Variants in RNF135 observed in about 807,000 individuals in gnomAD.
RNF135 encodes the protein E3 ubiquitin-protein ligase RNF135.
RNF135 carries 46 observed loss-of-function variants against 41.9 expected under a neutral mutation model. The observed-to-expected ratio is 1.10, with a 90% CI of 0.87 to 1.40. The LOEUF (loss-of-function observed/expected upper bound fraction) is 1.40. Ranked by LOEUF, RNF135 falls within the 40% of genes most tolerant of loss-of-function variation. RNF135 has a pLI of 0.00. For synonymous variants in RNF135, 238 were observed against 223.8 expected, an observed-to-expected ratio of 1.06 and a Z score of -0.57; for missense variants, 539 against 549.8, an observed-to-expected ratio of 0.98 and a Z score of 0.20.
At chr17:30,983,353 A>ATATTTTTTTTT (rs1420453160) in intron 1 of RNF135, among the ~76,000 whole-genome samples, 2 of 35,744 alleles carry the variant, frequency 5.6e-5, no homozygotes, top group Admixed American at 4.8e-4. Context: ...ATATATATAT[A>ATATTTTTTTTT]TTTTTTTTTT....
At chr17:30,969,512 C>A (rs1054527595), upstream of RNF135, among the ~76,000 whole-genome samples, 4 of 152,152 alleles carry the variant, frequency 2.6e-5, no homozygotes, top group Non-Finnish European at 4.4e-5. Context: ...ATGATGGTTT[C>A]ATCTCCATAA....
At chr17:30,980,444 C>T (rs1430227491) in intron 1 of RNF135, among the ~76,000 whole-genome samples, 5 of 134,944 alleles carry the variant, frequency 3.7e-5, no homozygotes, top group Middle Eastern at 5.1e-3. Flanking sequence ...CCAGTAGGGG[C>T]GGCCGGGCAG....
the RNF135 span, among the ~76,000 whole-genome samples, chr17:30,963,881 A>G: frequency 7.2e-5 from 11 of 152,236 alleles, no homozygotes; most frequent in South Asian, 1.4e-3. Context: ...TTTGGAGGCC[A>G]AGAAGGGAGG....
chr17:30,998,083 G>A (rs540348499), intron 4 of RNF135, among the ~76,000 whole-genome samples: 2 of 152,308 alleles, frequency 1.3e-5, no homozygotes, highest in South Asian at 2.1e-4. Context: ...GCTAATTTTG[G>A]TATGTTTAAT....
intron 1 of RNF135, among the ~76,000 whole-genome samples, chr17:30,979,712 TGACCCCCCCCACCTCCCTCCCG>T (rs1906865886): frequency 9.8e-6 from 1 of 102,558 alleles, no homozygotes; most frequent in African/African-American, 3.9e-5. Context: ...GGCGGGGGGC[TGACCCCCCCCACCTCCCTCCCG>T]GACGGGGCGG....
intron 1 of RNF135, among the ~76,000 whole-genome samples, chr17:30,983,353 A>ATATATTTTTT (rs1420453160): frequency 5.6e-5 from 2 of 35,732 alleles, no homozygotes; most frequent in Admixed American, 4.8e-4. Flanking sequence ...ATATATATAT[A>ATATATTTTTT]TTTTTTTTTT....
At chr17:30,987,064 G>A (rs1907642386) in intron 2 of RNF135, among the ~76,000 whole-genome samples, 1 of 152,128 alleles carries the variant, frequency 6.6e-6, no homozygotes, top group Non-Finnish European at 1.5e-5. Flanking sequence ...AGGGGTTGAA[G>A]TTGGTGAGCA....
Position 30,971,066 on chromosome 17 carries a change from T to A in RNF135, c.-8T>A, listed in dbSNP as rs1905859892. 1 of 1,534,116 alleles carries A rather than the reference T, an allele frequency of 6.5e-7. No individual in the cohort carries two copies. Among genetic ancestry groups the A allele is most frequent in the Non-Finnish European group, 8.7e-7 (1 of 1,145,986 alleles). ...CCCCGACGTCCGCGCCCCGGCCGCC[T>A]GTTGGCCATGGCGGGCCTGGGCCTG... On this transcript the variant is annotated 5_prime_UTR_variant, in exon 1 of 5. Transcript: ENST00000328381.
chr17:30,979,532 ACC>A (rs1196015143), intron 1 of RNF135, among the ~76,000 whole-genome samples: 1,234 of 2,526 alleles, frequency 0.49, 482 homozygotes, highest in African/African-American at 0.73. Context: ...CAGCTGGCCG[ACC>A]CCCCCCCCCC....
chr17:30,965,320 A>T, the RNF135 span: 8 of 152,268 alleles, frequency 5.3e-5, 1 homozygote, highest in Non-Finnish European at 1.2e-4. Flanking sequence ...CAGCCTGGGC[A>T]ACAAAGACCC....
intron 1 of RNF135, among the ~76,000 whole-genome samples, chr17:30,981,229 G>C (rs1245836424): frequency 6.7e-6 from 1 of 148,876 alleles, no homozygotes; most frequent in Non-Finnish European, 1.5e-5. Flanking sequence ...GCGTGGCGGC[G>C]CGCGCCTGCA....
intron 1 of RNF135, among the ~76,000 whole-genome samples, chr17:30,977,434 C>T (rs771734777): frequency 2.0e-5 from 3 of 152,268 alleles, no homozygotes; most frequent in East Asian, 3.9e-4. Flanking sequence ...AGTGCAGTGA[C>T]GTGATCTCGG....
chr17:30,975,557 A>C lies in RNF135; in HGVS notation c.372+4112A>C, dbSNP rs58401536. On this transcript the variant is annotated intron_variant, in intron 1 of 4. Coordinates refer to ENST00000328381, the MANE Select transcript of RNF135 (RefSeq NM_032322.4). ...GGCCTCGAAAATAGACATACACCCA[A>C]CAATACTCCAGGTCTGGTTCAAGAA... The C allele has an allele frequency of 1.5e-3, 1,197 of 786,100 alleles. 12 individuals carry two copies. In the African/African-American group the frequency reaches 0.018, roughly 12 times the overall value. The allele number at this position is 786,100 out of a possible 1,614,324, so 48.7% of individuals were successfully genotyped here. A position where few individuals can be genotyped will look rare whatever the true frequency, so the allele number is the denominator to read the frequency against.
In RNF135 at chr17:30,974,267, C is replaced by G. The variant is rs538304041; in HGVS notation, c.372+2822C>G. The stretch of plus-strand genomic sequence containing the variant: ...TATTCCATTGGTCTATATGTCTGTA[C>G]TTATGCTGGTACCACACTATTTTGA... On this transcript the variant is annotated intron_variant, in intron 1 of 4. Coordinates refer to ENST00000328381, the MANE Select transcript of RNF135 (RefSeq NM_032322.4). Among the ~76,000 whole-genome samples the G allele has an allele frequency of 2.6e-5, 4 of 152,246 alleles. No individual in the cohort carries two copies. In the South Asian group the frequency reaches 8.3e-4, roughly 32 times the overall value.
intron 2 of RNF135, 23 bp downstream of exon 2, chr17:30,984,783 A>AGGAT (rs766101684): frequency 6.2e-7 from 1 of 1,613,420 alleles, no homozygotes; most frequent in Non-Finnish European, 8.5e-7. Flanking sequence ...GGGAGAGGAA[A>AGGAT]GGATGTGGAA....
At chr17:30,975,035 T>G (rs1442481865) in intron 1 of RNF135, among the ~76,000 whole-genome samples, 43 of 151,020 alleles carry the variant, frequency 2.8e-4, no homozygotes. Flanking sequence ...ACACTTACAA[T>G]CCTAGCACTT....
the RNF135 span, among the ~76,000 whole-genome samples, chr17:30,962,930 G>GT: frequency 6.6e-6 from 1 of 152,142 alleles, no homozygotes; most frequent in African/African-American, 2.4e-5. Flanking sequence ...AACAGTTGGT[G>GT]TTGTCAGTAT....
the RNF135 span, among the ~76,000 whole-genome samples, chr17:30,961,598 G>A: frequency 1.6e-4 from 24 of 152,080 alleles, no homozygotes; most frequent in Admixed American, 2.6e-4. Flanking sequence ...GAGTAGCTGG[G>A]ACCACAGGCA....
intron 4 of RNF135, 97 bp from the exon 5 acceptor site, chr17:30,998,565 C>A: frequency 8.2e-7 from 1 of 1,213,892 alleles, no homozygotes; most frequent in African/African-American, 1.5e-5. Context: ...TGAAACATCA[C>A]ACCAAAAGAT....
Sources: allele counts gnomAD v4.1 joint callset (sites outside exome capture counted in the v4.1 genomes callset), GRCh38; gene constraint gnomAD v4.1.1; transcripts MANE v1.5; gene names NCBI Gene and HGNC (gene_info 2026-07-23, HGNC 2026-07-21).